Variants in RPS6KC1 observed in about 807,000 individuals in gnomAD.
The protein encoded by RPS6KC1 is inactive ribosomal protein S6 kinase delta-1.
RPS6KC1 carries 54 observed loss-of-function variants against 103.8 expected under a neutral mutation model. That is an observed-to-expected ratio of 0.52 (90% CI 0.42 to 0.65). RPS6KC1 has a LOEUF of 0.65. Among genes scored for constraint, RPS6KC1 ranks in the 30% least tolerant of loss-of-function variants. The pLI, the probability that RPS6KC1 is intolerant of heterozygous loss-of-function variation, is 0.00. For synonymous variants in RPS6KC1, 439 were observed against 438.7 expected, an observed-to-expected ratio of 1.00 and a Z score of -0.01; for missense variants, 1,151 against 1,253.8, an observed-to-expected ratio of 0.92 and a Z score of 1.24.
chr1:213,567,284 A>G, the RPS6KC1 span, among the ~76,000 whole-genome samples: 1 of 152,230 alleles, frequency 6.6e-6, no homozygotes, highest in African/African-American at 2.4e-5. Context: ...TGTATATTTC[A>G]TCCTACATCT....
chr1:213,838,460 T>C, the RPS6KC1 span, among the ~76,000 whole-genome samples: 1 of 152,048 alleles, frequency 6.6e-6, no homozygotes, highest in Non-Finnish European at 1.5e-5. Flanking sequence ...TGGCTGGAGC[T>C]GAAGCAGCCT....
Position 213,274,259 on chromosome 1 carries a change from T to C in RPS6KC1, c.*1625T>C, listed in dbSNP as rs114480586. 6.6e-6 allele frequency: 1 copy of C among 152,180 alleles called. No homozygotes were observed. The highest frequency in any genetic ancestry group is 2.4e-5 in the African/African-American group (1 of 41,426). 9.4% of individuals were successfully genotyped at this position (152,180 alleles called of 1,614,324 possible). On this transcript the variant is annotated 3_prime_UTR_variant, in exon 15 of 15. Transcript: ENST00000366960. Reference sequence around the variant, plus strand: ...CCCCTGGCCTCATAACAGGAACTTATGCAGGTGAGACACAAGAATGACTTC... The same window carrying C: ...CCCCTGGCCTCATAACAGGAACTTACGCAGGTGAGACACAAGAATGACTTC...
At chr1:213,772,331 G>A in the RPS6KC1 span, among the ~76,000 whole-genome samples, 3 of 152,128 alleles carry the variant, frequency 2.0e-5, no homozygotes, top group Non-Finnish European at 2.9e-5. Context: ...GTGACCGGCC[G>A]CCTTTCTTTG....
At chr1:213,206,149 A>G (rs2093343809) in intron 8 of RPS6KC1, among the ~76,000 whole-genome samples, 1 of 152,178 alleles carries the variant, frequency 6.6e-6, no homozygotes, top group Admixed American at 6.5e-5. Flanking sequence ...GTTTCCTAAC[A>G]TTTTTAGAGA....
At chr1:213,194,613 G>A (rs1192612732) in intron 8 of RPS6KC1, among the ~76,000 whole-genome samples, 1 of 152,202 alleles carries the variant, frequency 6.6e-6, no homozygotes, top group East Asian at 1.9e-4. Flanking sequence ...CAGCAGGCAA[G>A]TGAGCATTTA....
At chr1:213,603,847 G>A in the RPS6KC1 span, among the ~76,000 whole-genome samples, 1 of 151,532 alleles carries the variant, frequency 6.6e-6, no homozygotes, top group African/African-American at 2.4e-5. Context: ...GCGACAGAGG[G>A]AGACTCTGTC....
At chr1:213,218,439 T>A (rs2093730178) in intron 8 of RPS6KC1, among the ~76,000 whole-genome samples, 1 of 152,124 alleles carries the variant, frequency 6.6e-6, no homozygotes, top group Non-Finnish European at 1.5e-5. Context: ...AAAATGGCCA[T>A]ACTGCCCAAG....
intron 8 of RPS6KC1, among the ~76,000 whole-genome samples, chr1:213,194,060 A>G (rs1439884052): frequency 3.9e-5 from 6 of 152,182 alleles, no homozygotes; most frequent in African/African-American, 1.4e-4. Flanking sequence ...CCCCTTTATC[A>G]TTATATAATT....
chr1:213,713,517 T>C, the RPS6KC1 span, among the ~76,000 whole-genome samples: 1 of 152,252 alleles, frequency 6.6e-6, no homozygotes, highest in Non-Finnish European at 1.5e-5. Flanking sequence ...TCTTGGATAC[T>C]TGTTTAATGC....
chr1:213,379,028 C>T, the RPS6KC1 span, among the ~76,000 whole-genome samples: 3 of 152,148 alleles, frequency 2.0e-5, no homozygotes, highest in Non-Finnish European at 4.4e-5. Flanking sequence ...CCCAGGTTCT[C>T]GGCAAGGGTT....
the RPS6KC1 span, among the ~76,000 whole-genome samples, chr1:213,838,437 A>G: frequency 4.6e-5 from 7 of 152,258 alleles, no homozygotes; most frequent in African/African-American, 1.7e-4. Context: ...TCTTTCCCTG[A>G]GCAAAGAAGT....
chr1:213,363,593 C>CCTCGCTTGCTTGCTTGCTTG, the RPS6KC1 span, among the ~76,000 whole-genome samples: 2 of 106,414 alleles, frequency 1.9e-5, no homozygotes, highest in African/African-American at 4.8e-5. Context: ...ATTCTTTAGC[C>CCTCGCTTGCTTGCTTGCTTG]CTTGCTCGCT....
the RPS6KC1 span, among the ~76,000 whole-genome samples, chr1:213,458,117 C>T: frequency 6.6e-6 from 1 of 152,108 alleles, no homozygotes; most frequent in Non-Finnish European, 1.5e-5. Flanking sequence ...GAGCATAGTA[C>T]TCAATAGGTA....
the RPS6KC1 span, among the ~76,000 whole-genome samples, chr1:213,809,601 C>T: frequency 8.5e-5 from 13 of 152,130 alleles, no homozygotes; most frequent in East Asian, 1.9e-4. Flanking sequence ...TTACTACATA[C>T]GCCCTCACAA....
the RPS6KC1 span, among the ~76,000 whole-genome samples, chr1:213,542,380 G>A: frequency 6.6e-6 from 1 of 152,198 alleles, no homozygotes; most frequent in Non-Finnish European, 1.5e-5. Context: ...TCCCGCTGGG[G>A]GAGAACAAGG....
At chr1:213,781,857 G>A in the RPS6KC1 span, among the ~76,000 whole-genome samples, 4 of 152,270 alleles carry the variant, frequency 2.6e-5, no homozygotes, top group East Asian at 1.9e-4. Flanking sequence ...GTTCGTTGTG[G>A]CTCAGTCCAA....
the RPS6KC1 span, among the ~76,000 whole-genome samples, chr1:213,795,318 G>A: frequency 7.2e-5 from 11 of 152,168 alleles, no homozygotes; most frequent in Non-Finnish European, 1.5e-4. Flanking sequence ...TCTTCTGAGA[G>A]GTCTATGAAC....
At chr1:213,150,803 T>C (rs907232116) in intron 6 of RPS6KC1, among the ~76,000 whole-genome samples, 1 of 152,256 alleles carries the variant, frequency 6.6e-6, no homozygotes, top group Non-Finnish European at 1.5e-5. Flanking sequence ...ATTGTCATCC[T>C]GGCCCGTTCT....
At chr1:213,096,906 A>G (rs1039430085) in intron 3 of RPS6KC1, among the ~76,000 whole-genome samples, 2 of 152,206 alleles carry the variant, frequency 1.3e-5, no homozygotes, top group Non-Finnish European at 2.9e-5. Context: ...ACAGAAATAT[A>G]TAGGTAAATA....
Sources: gnomAD v4.1 joint callset for allele counts (sites outside exome capture counted in the v4.1 genomes callset) on GRCh38, gnomAD v4.1.1 for gene constraint, MANE v1.5 for transcripts, NCBI Gene and HGNC (gene_info 2026-07-23, HGNC 2026-07-21) for gene names.